The following AACS variants were observed in gnomAD, a reference collection of about 807,000 sequenced individuals.
AACS encodes acetoacetyl-CoA synthetase.
In AACS, 69 loss-of-function variants were observed where a neutral mutation model predicts 83.1. That is an observed-to-expected ratio of 0.83 (90% CI 0.68 to 1.01). AACS has a LOEUF of 1.01. Ranked by LOEUF, AACS falls within the 50% of genes least tolerant of loss-of-function variation. AACS has a pLI of 0.00. For missense variants in AACS, 866 were observed against 882.2 expected (o/e 0.98, Z 0.23); for synonymous variants, 333 against 343.4 (o/e 0.97, Z 0.33).
rs1956626939 is a variant in AACS, at chr12:125,097,204, A to ACCACCTCTGTGTAGCAGTT, written c.571-5474_571-5456dup. On this transcript the variant is annotated intron_variant, in intron 5 of 17. Coordinates refer to ENST00000316519, the MANE Select transcript of AACS (RefSeq NM_023928.5). The surrounding 1 kb of genome is among the most constrained non-coding windows in gnomAD (Gnocchi z 4.3). ...GGGCACCATTTTGGGGCTTTCTGCA[A>ACCACCTCTGTGTAGCAGTT]CCACCTCTGTGTAGCAGTTTAGAGC... 6.6e-6 allele frequency among the ~76,000 whole-genome samples: 1 copy of ACCACCTCTGTGTAGCAGTT among 152,062 alleles called. No homozygotes were observed. The highest frequency in any genetic ancestry group is 6.5e-5 in the Admixed American group (1 of 15,274).
At chr12:125,071,088 C>T (rs565769438) in intron 1 of AACS, among the ~76,000 whole-genome samples, 6 of 152,182 alleles carry the variant, frequency 3.9e-5, no homozygotes, top group South Asian at 2.1e-4. Context: ...GCAGTGGGAA[C>T]GCACCCGTCC....
At chr12:125,116,537 C>G (rs1015565636) in intron 9 of AACS, among the ~76,000 whole-genome samples, 1 of 152,098 alleles carries the variant, frequency 6.6e-6, no homozygotes, top group African/African-American at 2.4e-5. Context: ...GATTTTGGCT[C>G]TCTGCAAGCT....
At chr12:125,133,507 G>A (rs951890710) in intron 14 of AACS, among the ~76,000 whole-genome samples, 3 of 152,224 alleles carry the variant, frequency 2.0e-5, no homozygotes, top group African/African-American at 7.2e-5. Flanking sequence ...TGTGGCTAAT[G>A]TTTTGGTTCA....
chr12:125,105,362 A>C (rs1264840570), intron 7 of AACS: 1 of 152,194 alleles, frequency 6.6e-6, no homozygotes, highest in Non-Finnish European at 1.5e-5. Context: ...CAGATTCTTC[A>C]CAGGCAGGCC....
intron 14 of AACS, among the ~76,000 whole-genome samples, chr12:125,131,774 T>C (rs949156356): frequency 1.3e-5 from 2 of 152,150 alleles, no homozygotes; most frequent in Non-Finnish European, 2.9e-5. Flanking sequence ...AATTTTTGTA[T>C]TTTTAGCGGA....
chr12:125,135,748 T>A (rs116489684), intron 16 of AACS: 5,135 of 152,336 alleles, frequency 0.034, 127 homozygotes, highest in African/African-American at 0.07. Context: ...CTTTCTTTTT[T>A]AAAAAAATTT....
intron 4 of AACS, among the ~76,000 whole-genome samples, chr12:125,088,007 C>T: frequency 6.6e-6 from 1 of 152,194 alleles, no homozygotes; most frequent in Non-Finnish European, 1.5e-5. Context: ...ATGCATCCCA[C>T]TCTTCCTGCA....
intron 4 of AACS, among the ~76,000 whole-genome samples, chr12:125,090,204 CCAT>C (rs1956444307): frequency 7.1e-4 from 1 of 1,404 alleles, no homozygotes; most frequent in Non-Finnish European, 1.4e-3. Flanking sequence ...ACCCATTTAC[CCAT>C]TATCCATCTA....
chr12:125,133,794 G>C (rs879560427), intron 14 of AACS, among the ~76,000 whole-genome samples: 1 of 152,214 alleles, frequency 6.6e-6, no homozygotes, highest in African/African-American at 2.4e-5. Flanking sequence ...CCTCCTCGCC[G>C]GCGGTGTCAG....
intron 5 of AACS, among the ~76,000 whole-genome samples, chr12:125,098,700 G>A (rs905426966): frequency 6.6e-6 from 1 of 152,144 alleles, no homozygotes; most frequent in African/African-American, 2.4e-5. Flanking sequence ...TGATCCACCC[G>A]CCTTGGCCTC....
At chr12:125,073,532 C>T (rs549811846) in intron 1 of AACS, among the ~76,000 whole-genome samples, 1 of 152,326 alleles carries the variant, frequency 6.6e-6, no homozygotes, top group Admixed American at 6.5e-5. Context: ...TATTAATTAT[C>T]CCCATTTTGC....
In AACS at chr12:125,118,861, G is replaced by T. The variant is rs1282471023; in HGVS notation, c.1121+96G>T. 7.0e-5 allele frequency: 106 copies of T among 1,504,954 alleles called. 2 individuals are homozygous for T. 93.2% of individuals were successfully genotyped at this position (1,504,954 alleles called of 1,614,324 possible). Reference sequence around the variant, plus strand: ...AGAGCTGTGCCTGCCTTCTACCGTGGTCGGGGCGTCTCCAGCATGCTCTGC... The same window carrying T: ...AGAGCTGTGCCTGCCTTCTACCGTGTTCGGGGCGTCTCCAGCATGCTCTGC... On this transcript the variant is annotated intron_variant, in intron 10 of 17. Transcript: ENST00000316519.
chr12:125,132,496 A>G (rs2136136184), intron 14 of AACS, among the ~76,000 whole-genome samples: 1 of 152,320 alleles, frequency 6.6e-6, no homozygotes, highest in East Asian at 1.9e-4. Context: ...CAGGGCTGCC[A>G]TTCATAGACT....
intron 1 of AACS, among the ~76,000 whole-genome samples, chr12:125,068,188 G>A (rs1234937461): frequency 6.6e-6 from 1 of 152,234 alleles, no homozygotes; most frequent in African/African-American, 2.4e-5. Context: ...TGGGCGTGGT[G>A]GCTCACACCT....
chr12:125,126,065 C>G (rs1203897098), intron 12 of AACS: 1 of 151,500 alleles, frequency 6.6e-6, no homozygotes, highest in African/African-American at 2.4e-5. Flanking sequence ...TCAAGCAGTT[C>G]TTGTGCCTCA....
At chr12:125,085,580 T>C (rs1242319408) in intron 3 of AACS, among the ~76,000 whole-genome samples, 3 of 152,262 alleles carry the variant, frequency 2.0e-5, no homozygotes, top group Non-Finnish European at 4.4e-5. Context: ...GCACGTCGCA[T>C]CCACGTCTGT....
intron 1 of AACS, 99 bp from the exon 2 acceptor site, chr12:125,073,777 C>A: frequency 1.0e-6 from 1 of 953,382 alleles, no homozygotes; most frequent in Non-Finnish European, 1.6e-6. Flanking sequence ...ATGAATTTGG[C>A]TCGCTTGGAC....
At chr12:125,137,001 C>G (rs1405476068) in intron 17 of AACS, 137 bp downstream of exon 17, 1 of 814,854 alleles carries the variant, frequency 1.2e-6, no homozygotes, top group African/African-American at 1.7e-5. Flanking sequence ...GCCATCCTCT[C>G]CCTGCCATCC....
intron 3 of AACS, among the ~76,000 whole-genome samples, chr12:125,077,354 C>A (rs1956049856): frequency 6.6e-6 from 1 of 151,846 alleles, no homozygotes; most frequent in Non-Finnish European, 1.5e-5. Context: ...ACTGAAAATA[C>A]AAAATATTAG....
Sources: gnomAD v4.1 joint callset for allele counts (sites outside exome capture counted in the v4.1 genomes callset) on GRCh38, gnomAD v4.1.1 for gene constraint, Gnocchi (gnomAD v3.1) non-coding constraint, MANE v1.5 for transcripts, NCBI Gene and HGNC (gene_info 2026-07-23, HGNC 2026-07-21) for gene names.